TMPRSS12: variants seen among roughly 807,000 people sequenced by gnomAD.
TMPRSS12 encodes the protein transmembrane serine protease 12.
A neutral mutation model predicts 26.0 loss-of-function variants in TMPRSS12; 25 were observed. The observed-to-expected ratio is 0.96, with a 90% CI of 0.70 to 1.34. TMPRSS12 has a LOEUF of 1.34. Ranked by LOEUF, TMPRSS12 falls within the 40% of genes most tolerant of loss-of-function variation. The probability of loss-of-function intolerance (pLI) is 0.00; values close to 1 mark genes in which losing one functional copy is unlikely to be tolerated. For synonymous variants in TMPRSS12, 150 were observed against 161.7 expected (o/e 0.93, Z 0.55); for missense variants, 441 against 440.1 (o/e 1.00, Z -0.02).
intron 3 of TMPRSS12, among the ~76,000 whole-genome samples, chr12:50,861,109 AT>A (rs375511871): frequency 3.3e-5 from 5 of 152,258 alleles, no homozygotes; most frequent in Middle Eastern, 3.4e-3. Flanking sequence ...AGTTAATGTT[AT>A]TTTTACCCCA....
chr12:50,857,180 A>T (rs1055853426), intron 2 of TMPRSS12, among the ~76,000 whole-genome samples: 7 of 152,212 alleles, frequency 4.6e-5, no homozygotes, highest in Non-Finnish European at 8.8e-5. Flanking sequence ...TTTTACATTA[A>T]ATTATATAAC....
intron 3 of TMPRSS12, among the ~76,000 whole-genome samples, chr12:50,863,187 G>A (rs1937954919): frequency 1.3e-5 from 2 of 151,854 alleles, no homozygotes; most frequent in South Asian, 2.1e-4. Flanking sequence ...AAAAAAGGAA[G>A]CTGGAATGGA....
At chr12:50,872,819 A>G (rs867774046) in intron 3 of TMPRSS12, among the ~76,000 whole-genome samples, 4 of 87,088 alleles carry the variant, frequency 4.6e-5, no homozygotes, top group Admixed American at 1.2e-4. Context: ...TATATGACGT[A>G]TATATGTACA....
intron 3 of TMPRSS12, among the ~76,000 whole-genome samples, chr12:50,864,940 T>C (rs1937977062): frequency 6.6e-6 from 1 of 152,184 alleles, no homozygotes; most frequent in South Asian, 2.1e-4. Flanking sequence ...ATTACAGGTA[T>C]GAGCCACAGG....
chr12:50,869,431 C>T (rs938027229), intron 3 of TMPRSS12, among the ~76,000 whole-genome samples: 1 of 152,076 alleles, frequency 6.6e-6, no homozygotes, highest in Non-Finnish European at 1.5e-5. Flanking sequence ...AAAAATACAA[C>T]CCTCCTAGCT....
intron 1 of TMPRSS12, 144 bp from the exon 2 acceptor site, chr12:50,843,698 C>G: frequency 1.3e-6 from 1 of 765,640 alleles, no homozygotes; most frequent in Non-Finnish European, 2.0e-6. Flanking sequence ...AAGTTTCTTT[C>G]AAAATATGGG....
intron 3 of TMPRSS12, among the ~76,000 whole-genome samples, chr12:50,876,054 C>T (rs887519673): frequency 3.3e-5 from 5 of 152,126 alleles, no homozygotes; most frequent in Admixed American, 6.6e-5. Flanking sequence ...AACAATTGAA[C>T]AGGCCAAAAC....
At chr12:50,872,235 C>A (rs1252207148) in intron 3 of TMPRSS12, among the ~76,000 whole-genome samples, 1 of 152,072 alleles carries the variant, frequency 6.6e-6, no homozygotes, top group Non-Finnish European at 1.5e-5. Context: ...CTGTGAAGGC[C>A]GGGCGCGGTG....
At chr12:50,855,818 A>G (rs1433181303) in intron 2 of TMPRSS12, among the ~76,000 whole-genome samples, 2 of 152,224 alleles carry the variant, frequency 1.3e-5, no homozygotes, top group South Asian at 2.1e-4. Context: ...ATGCTCATCA[A>G]TGATGGACTG....
At chr12:50,848,081 A>G (rs1937790787) in intron 2 of TMPRSS12, 1 of 151,472 alleles carries the variant, frequency 6.6e-6, no homozygotes, top group African/African-American at 2.4e-5. Context: ...CATCAAGTTT[A>G]TGGTGATAAC....
At chr12:50,857,802 T>C (rs1445206157) in intron 2 of TMPRSS12, among the ~76,000 whole-genome samples, 25 of 147,898 alleles carry the variant, frequency 1.7e-4, no homozygotes, top group East Asian at 3.9e-4. Context: ...TTGTTGTTGT[T>C]GTTGTCGTTG....
intron 2 of TMPRSS12, among the ~76,000 whole-genome samples, chr12:50,856,638 A>AT (rs200850763): frequency 0.042 from 447 of 10,766 alleles, 3 homozygotes; most frequent in African/African-American, 0.045. Flanking sequence ...GCTGTTTTAT[A>AT]TTAAAAAAAA....
intron 2 of TMPRSS12, among the ~76,000 whole-genome samples, chr12:50,857,788 TTTG>T (rs10602762): frequency 0.39 from 57,722 of 146,972 alleles, 11,303 homozygotes; most frequent in Admixed American, 0.44. Context: ...GGTTTAGTTT[TTTG>T]TTGTTGTTGT....
chr12:50,870,700 A>C (rs1375776712), intron 3 of TMPRSS12, among the ~76,000 whole-genome samples: 1 of 152,020 alleles, frequency 6.6e-6, no homozygotes, highest in Non-Finnish European at 1.5e-5. Context: ...TTCCTTGAAA[A>C]CCCTAAAGAC....
chr12:50,881,943 C>A (rs1592225423), intron 3 of TMPRSS12, among the ~76,000 whole-genome samples: 2 of 118,018 alleles, frequency 1.7e-5, no homozygotes, highest in Admixed American at 1.1e-4. Context: ...TGCACTCCAG[C>A]CCAGGGCGAG....
At chr12:50,872,466 T>G (rs1938054080) in intron 3 of TMPRSS12, among the ~76,000 whole-genome samples, 1 of 135,538 alleles carries the variant, frequency 7.4e-6, no homozygotes, top group Non-Finnish European at 1.5e-5. Flanking sequence ...TGAGCCGAGA[T>G]TGCGCCACTG....
chr12:50,862,677 C>T (rs762679658), intron 3 of TMPRSS12, among the ~76,000 whole-genome samples: 1 of 152,060 alleles, frequency 6.6e-6, no homozygotes, highest in Non-Finnish European at 1.5e-5. Context: ...AGAGGTGTAC[C>T]ACCACGCCCA....
At position 50,884,997 on chromosome 12, in the gene TMPRSS12, T is replaced by C. The variant is rs552489031; in HGVS notation, c.653-249T>C. Among the ~76,000 whole-genome samples, 10 of 152,114 alleles carry C rather than the reference T, an allele frequency of 6.6e-5. No homozygotes were observed. The South Asian group carries it at 2.1e-3, about 32-fold the overall frequency. ...AGGCAGAGGTTGCAGTGAGCCGAGATCACGTCACTGCACTCCAGCCTGGGC... is the reference window on the plus strand; with the variant it reads ...AGGCAGAGGTTGCAGTGAGCCGAGACCACGTCACTGCACTCCAGCCTGGGC... On this transcript the variant is annotated intron_variant, in intron 3 of 4. Transcript: ENST00000398458.
chr12:50,884,909 T>C (rs1592226457), intron 3 of TMPRSS12, among the ~76,000 whole-genome samples: 2 of 148,150 alleles, frequency 1.3e-5, no homozygotes, highest in Admixed American at 1.3e-4. Context: ...CCAGGTGTGG[T>C]GTTGCACACC....
Sources: gnomAD v4.1 joint callset for allele counts (sites outside exome capture counted in the v4.1 genomes callset) on GRCh38, gnomAD v4.1.1 for gene constraint, MANE v1.5 for transcripts, NCBI Gene and HGNC (gene_info 2026-07-23, HGNC 2026-07-21) for gene names.